Variants in TIPIN observed in about 807,000 individuals in gnomAD.
TIPIN encodes the protein TIMELESS-interacting protein.
A neutral mutation model predicts 35.6 loss-of-function variants in TIPIN; 29 were observed. That is an observed-to-expected ratio of 0.82 (90% CI 0.61 to 1.11). The LOEUF is 1.11. Ranked by LOEUF, TIPIN falls within the 50% of genes most tolerant of loss-of-function variation. The pLI, the probability that TIPIN is intolerant of heterozygous loss-of-function variation, is 0.00. For synonymous variants in TIPIN, 102 were observed against 121.5 expected, an observed-to-expected ratio of 0.84 and a Z score of 1.06; for missense variants, 296 against 345.4, an observed-to-expected ratio of 0.86 and a Z score of 1.13.
intron 1 of TIPIN, chr15:66,386,351 T>C (rs1366756249): frequency 6.6e-6 from 1 of 151,636 alleles, no homozygotes; most frequent in Non-Finnish European, 1.5e-5. Context: ...TCTCAAAAAC[T>C]GTCGCAACAA....
upstream of TIPIN, among the ~76,000 whole-genome samples, chr15:66,361,175 C>T (rs752599949): frequency 1.1e-4 from 17 of 150,720 alleles, no homozygotes; most frequent in Non-Finnish European, 2.2e-4. Flanking sequence ...GTACCTTGTT[C>T]AGATTTATCC....
intron 6 of TIPIN, among the ~76,000 whole-genome samples, chr15:66,345,339 A>C (rs2093117405): frequency 6.6e-6 from 1 of 152,080 alleles, no homozygotes; most frequent in South Asian, 2.1e-4. Context: ...GCACGTTGGG[A>C]GGCCAAGGCA....
chr15:66,355,259 T>C (rs1290155355), intron 1 of TIPIN, among the ~76,000 whole-genome samples: 1 of 150,912 alleles, frequency 6.6e-6, no homozygotes, highest in Admixed American at 6.6e-5. Context: ...GGTCTCGATC[T>C]CCTGACCTCG....
At chr15:66,377,241 GAGT>G (rs2093300517) in intron 1 of TIPIN, among the ~76,000 whole-genome samples, 1 of 151,968 alleles carries the variant, frequency 6.6e-6, no homozygotes, top group Admixed American at 6.6e-5. Flanking sequence ...TTCTCTAAGC[GAGT>G]AGAATTTTGA....
intron 4 of TIPIN, among the ~76,000 whole-genome samples, chr15:66,350,424 G>A (rs1404630509): frequency 2.0e-5 from 3 of 150,140 alleles, no homozygotes; most frequent in Non-Finnish European, 1.5e-5. Flanking sequence ...GGCCAACATG[G>A]TGATACCCCA....
chr15:66,360,598 G>A (rs2093226859), upstream of TIPIN, among the ~76,000 whole-genome samples: 1 of 152,186 alleles, frequency 6.6e-6, no homozygotes, highest in Non-Finnish European at 1.5e-5. Context: ...GGGAGGCCAA[G>A]GCAGGTGGAT....
chr15:66,358,027 G>A (rs62626350), upstream of TIPIN, among the ~76,000 whole-genome samples: 8,459 of 152,166 alleles, frequency 0.056, 399 homozygotes, highest in African/African-American at 0.12. Context: ...AGAGGCTGAC[G>A]CAGGAGGATT....
At chr15:66,384,777 T>A (rs1235495451) in intron 1 of TIPIN, among the ~76,000 whole-genome samples, 1 of 151,868 alleles carries the variant, frequency 6.6e-6, no homozygotes, top group East Asian at 2.0e-4. Flanking sequence ...CCAGGCATGG[T>A]GGTGCATGCC....
intron 2 of TIPIN, 40 bp from the exon 3 acceptor site, chr15:66,352,247 A>C: frequency 7.1e-7 from 1 of 1,415,784 alleles, no homozygotes; most frequent in Non-Finnish European, 9.8e-7. Flanking sequence ...CTGTACTTAA[A>C]TGATTTGTAT....
At chr15:66,358,510 A>C (rs1476308601), upstream of TIPIN, among the ~76,000 whole-genome samples, 1 of 151,582 alleles carries the variant, frequency 6.6e-6, no homozygotes, top group African/African-American at 2.4e-5. Context: ...CACAGCTAGA[A>C]TCAGGTGATC....
At chr15:66,351,636 A>G (rs62627281) in intron 3 of TIPIN, 36 bp from the exon 4 acceptor site, 5 of 1,298,622 alleles carry the variant, frequency 3.9e-6, no homozygotes, top group Middle Eastern at 2.8e-4. Flanking sequence ...TTCAAGTTTT[A>G]TTTTCTTTTT....
chr15:66,355,027 C>CTTTTTTTTTTTTT (rs747834289), intron 1 of TIPIN, among the ~76,000 whole-genome samples: 1 of 112,740 alleles, frequency 8.9e-6, no homozygotes. Context: ...CAATATATAT[C>CTTTTTTTTTTTTT]TTTTTTTTTT....
chr15:66,337,481 C>T, intron 7 of TIPIN, among the ~76,000 whole-genome samples: 1 of 151,802 alleles, frequency 6.6e-6, no homozygotes, highest in Admixed American at 6.6e-5. Context: ...GCCACTACAC[C>T]CGGCTAATTT....
At chr15:66,379,645 T>C in intron 1 of TIPIN, 10 of 1,610,306 alleles carry the variant, frequency 6.2e-6, no homozygotes, top group Admixed American at 3.3e-5. Context: ...GACCTCATCT[T>C]GTAACGGAAG....
chr15:66,372,906 GAAAAA>G (rs917410174), intron 1 of TIPIN, among the ~76,000 whole-genome samples: 1 of 142,768 alleles, frequency 7.0e-6, no homozygotes, highest in Non-Finnish European at 1.5e-5. Context: ...CCGTCTTGGG[GAAAAA>G]AAAAAAAGAT....
chr15:66,357,645 CA>C (rs555322461), upstream of TIPIN, among the ~76,000 whole-genome samples: 15 of 75,360 alleles, frequency 2.0e-4, no homozygotes, highest in African/African-American at 8.8e-4. Flanking sequence ...TGAATGTAAA[CA>C]AAAAAAAATG....
chr15:66,339,538 G>GTT (rs1383819710), intron 7 of TIPIN, among the ~76,000 whole-genome samples: 1 of 152,066 alleles, frequency 6.6e-6, no homozygotes. Flanking sequence ...AACAAATTTG[G>GTT]TTATATAGTT....
intron 1 of TIPIN, among the ~76,000 whole-genome samples, chr15:66,369,209 C>A (rs1194132048): frequency 6.6e-6 from 1 of 151,984 alleles, no homozygotes; most frequent in Non-Finnish European, 1.5e-5. Context: ...ACAATGTTAT[C>A]ATTATAATAA....
chr15:66,350,613 CAA>C (rs67396251), intron 4 of TIPIN, among the ~76,000 whole-genome samples: 1 of 130,106 alleles, frequency 7.7e-6, no homozygotes, highest in African/African-American at 2.9e-5. Flanking sequence ...CTCAAAAAAA[CAA>C]AAAAAAAAAC....
Sources: gnomAD v4.1 joint callset for allele counts (sites outside exome capture counted in the v4.1 genomes callset) on GRCh38, gnomAD v4.1.1 for gene constraint, MANE v1.5 for transcripts, NCBI Gene and HGNC (gene_info 2026-07-23, HGNC 2026-07-21) for gene names.